SPEN: variants seen among roughly 807,000 people sequenced by gnomAD.
The protein encoded by SPEN is spen family transcriptional repressor, also known as msx2-interacting protein.
SPEN carries 18 observed loss-of-function variants against 269.9 expected under a neutral mutation model. That is an observed-to-expected ratio of 0.07 (90% CI 0.05 to 0.10). The LOEUF (loss-of-function observed/expected upper bound fraction) is 0.10. SPEN is among the 10% of genes least tolerant of loss of function. The pLI is 1.00. For missense variants in SPEN, 3,822 were observed against 4,631.2 expected (o/e 0.83, Z 5.07); for synonymous variants, 1,726 against 1,765.7 (o/e 0.98, Z 0.56).
rs2071334005 is a variant in SPEN at position 15,940,363 on chromosome 1, T to TAACA, written c.*937_*940dup. The TAACA allele has an allele frequency of 4.3e-6, 1 of 232,970 alleles. No homozygotes were observed. Among genetic ancestry groups the TAACA allele is most frequent in the Admixed American group, 5.6e-5 (1 of 17,750 alleles). 14.4% of individuals were successfully genotyped at this position (232,970 alleles called of 1,614,324 possible). Reference sequence around the variant, plus strand: ...ACCTTGATCTCTTCCCCCAACTTCCTAACACTTATTAATTTATGAAACTGT... The same window carrying TAACA: ...ACCTTGATCTCTTCCCCCAACTTCCTAACAAACACTTATTAATTTATGAAACTGT... On this transcript the variant is annotated 3_prime_UTR_variant, in exon 15 of 15. Coordinates refer to ENST00000375759, the MANE Select transcript of SPEN (RefSeq NM_015001.3).
At chr1:15,894,536 G>GTTTTTTTTTTTT (rs766111268) in intron 3 of SPEN, among the ~76,000 whole-genome samples, 14 of 100,402 alleles carry the variant, frequency 1.4e-4, no homozygotes, top group African/African-American at 5.0e-4. Flanking sequence ...TATTATGGTT[G>GTTTTTTTTTTTT]TTTTTTTTTT....
rs150519231 is a variant in SPEN at position 15,928,669 on chromosome 1, G to A, written c.2429G>A (p.Arg810Gln). The A allele has an allele frequency of 1.6e-4, 251 of 1,613,740 alleles. No homozygotes were observed. The highest frequency in any genetic ancestry group is 1.8e-4 in the Non-Finnish European group (213 of 1,180,006). The change falls in exon 11 of 15, where the codon CGG becomes CAG. Residue 810 changes from arginine (R) to glutamine (Q), a missense_variant. Arg to Gln is a conservative substitution (Grantham distance 43). Transcript: ENST00000375759. This position sits in a 1 kb window ranked among gnomAD's most constrained non-coding sequence, Gnocchi z 5.7. ...ERVERERRLI[R>Q]KEKVEKDKTD... is the part of the protein sequence containing the mutation. ...GTGGAGAGAGAGAGACGCTTAATAC[G>A]GAAGGAAAAAGTGGAAAAGGACAAA...
At position 15,932,699 on chromosome 1, in the gene SPEN, G is replaced by C. The variant is rs1199465685; in HGVS notation, c.6459G>C (p.Val2153=). 1 of 1,614,074 alleles carries C rather than the reference G, an allele frequency of 6.2e-7. No homozygotes were observed. The highest frequency in any genetic ancestry group is 8.5e-7 in the Non-Finnish European group (1 of 1,180,030). The change falls in exon 11 of 15, where the codon GTG becomes GTC. Residue 2153 remains valine, a synonymous_variant. Coordinates refer to ENST00000375759, the MANE Select transcript of SPEN (RefSeq NM_015001.3). This position sits in a 1 kb window ranked among gnomAD's most constrained non-coding sequence, Gnocchi z 4.2. ...DPDKEPEKED[V]SASGPSPEAT... is the part of the protein sequence containing the mutation. ...ACAAGGAACCAGAGAAAGAAGACGTGTCTGCCTCTGGGCCGTCCCCAGAAG... is the reference window on the plus strand; with the variant it reads ...ACAAGGAACCAGAGAAAGAAGACGTCTCTGCCTCTGGGCCGTCCCCAGAAG...
intron 1 of SPEN, among the ~76,000 whole-genome samples, chr1:15,865,095 G>A (rs997001004): frequency 2.6e-5 from 4 of 151,524 alleles, no homozygotes; most frequent in Admixed American, 6.6e-5. Flanking sequence ...TCTGTCGCCC[G>A]GGCTGGAGTG....
intron 3 of SPEN, among the ~76,000 whole-genome samples, chr1:15,885,585 AC>A (rs1200488055): frequency 6.6e-6 from 1 of 152,204 alleles, no homozygotes; most frequent in African/African-American, 2.4e-5. Flanking sequence ...TTAAAAAGTT[AC>A]CTACTTGGAA....
At chr1:15,902,346 C>T (rs1266339829) in intron 3 of SPEN, among the ~76,000 whole-genome samples, 1 of 152,152 alleles carries the variant, frequency 6.6e-6, no homozygotes, top group African/African-American at 2.4e-5. Context: ...TTTGGCCTCA[C>T]ACAGATACAC....
rs772061265 is a variant in SPEN, at chr1:15,935,933, G to T, written c.9693G>T (p.Lys3231Asn). ...PASKAPQQPG[K>N]EAAKTPDAKA... The stretch of plus-strand genomic sequence containing the variant: ...GCAAGGCCCCTCAGCAGCCAGGGAA[G>T]GAAGCTGCCAAGACACCAGATGCCA... Residue 3231 changes from lysine to asparagine, a missense_variant, in exon 11 of 15, where the codon AAG (lysine) becomes AAT (asparagine). By Grantham distance (94) the Lys-to-Asn change is moderately conservative. This residue lies in a region of SPEN where 359 missense variants were observed against 377.3 expected (regional missense o/e 0.95). Coordinates refer to ENST00000375759, the MANE Select transcript of SPEN (RefSeq NM_015001.3). The surrounding 1 kb of genome is among the most constrained non-coding windows in gnomAD (Gnocchi z 7.7). The T allele has an allele frequency of 6.2e-7, 1 of 1,611,430 alleles. No individual in the cohort carries two copies. The highest frequency in any genetic ancestry group is 1.7e-5 in the Admixed American group (1 of 59,932).
chr1:15,911,439 T>TTTTAA (rs2071011296), intron 5 of SPEN, 138 bp downstream of exon 5: 1 of 704,170 alleles, frequency 1.4e-6, no homozygotes, highest in South Asian at 1.9e-5. Context: ...TTGTCTTCTG[T>TTTTAA]TTTAAAAGAT....
chr1:15,939,168 C>A lies in SPEN; in HGVS notation c.10864-128C>A. 2 of 1,302,558 alleles carry A rather than the reference C, an allele frequency of 1.5e-6. No homozygotes were observed. The highest frequency in any genetic ancestry group is 2.1e-6 in the Non-Finnish European group (2 of 958,676). 80.7% of individuals were successfully genotyped at this position (1,302,558 alleles called of 1,614,324 possible). The stretch of plus-strand genomic sequence containing the variant: ...GGTCTTCCAGTAGACATAGTCCTGG[C>A]ACATTTGCTGGTTGGGGACTGATTT... On this transcript the variant is annotated intron_variant, in intron 14 of 14. Transcript: ENST00000375759. The surrounding 1 kb of genome is among the most constrained non-coding windows in gnomAD (Gnocchi z 4.1).
rs763385382 is a variant in SPEN, at chr1:15,933,304, A to T, written c.7064A>T (p.His2355Leu). ...AAAGTGGTGGCTCCTGTAGAGAGCC[A>T]TGTCCCTGAATCCAACCAAGCTCAA... ...NKKVVAPVES[H>L]VPESNQAQGE... The change falls in exon 11 of 15, where the codon CAT (histidine) becomes CTT (leucine). Residue 2355 changes from histidine to leucine, a missense_variant. Coordinates refer to ENST00000375759, the MANE Select transcript of SPEN (RefSeq NM_015001.3). The surrounding 1 kb of genome is among the most constrained non-coding windows in gnomAD (Gnocchi z 5.7). 1 of 1,614,148 alleles carries T rather than the reference A, an allele frequency of 6.2e-7. No individual in the cohort carries two copies. Among genetic ancestry groups the T allele is most frequent in the South Asian group, 1.1e-5 (1 of 91,082 alleles).
intron 2 of SPEN, chr1:15,873,867 T>C: frequency 9.2e-7 from 1 of 1,083,360 alleles, no homozygotes; most frequent in Non-Finnish European, 1.1e-6. Context: ...GCTGTCAAGA[T>C]TCCACTAGCC....
At chr1:15,918,853 C>T in intron 6 of SPEN, 73 bp from the exon 7 acceptor site, 3 of 1,257,504 alleles carry the variant, frequency 2.4e-6, no homozygotes, top group Middle Eastern at 2.1e-4. Flanking sequence ...AAATAAATAC[C>T]CTATATGGAC....
chr1:15,928,728 T>C lies in SPEN; in HGVS notation c.2488T>C (p.Ser830Pro), dbSNP rs140930757. The C allele has an allele frequency of 1.5e-4, 236 of 1,613,854 alleles. No homozygotes were observed. Among genetic ancestry groups the C allele is most frequent in the Non-Finnish European group, 1.8e-4 (213 of 1,180,016 alleles). The part of the protein sequence containing the change: ...DKQKRKGKVH[S>P]PSSQSSETDQ... ...GCAGAAACGCAAAGGAAAGGTTCAC[T>C]CCCCTAGTTCTCAGTCTTCAGAAAC... The change falls in exon 11 of 15, where the codon TCC (serine) becomes CCC (proline). Residue 830 changes from serine to proline, a missense_variant. Transcript: ENST00000375759. This position sits in a 1 kb window ranked among gnomAD's most constrained non-coding sequence, Gnocchi z 5.7.
intron 1 of SPEN, among the ~76,000 whole-genome samples, chr1:15,855,611 G>T (rs2070378634): frequency 6.6e-6 from 1 of 152,134 alleles, no homozygotes. Context: ...TGTAATCCCA[G>T]CACTTTGGGA....
Position 15,932,600 on chromosome 1 carries a change from C to A in SPEN, c.6360C>A (p.Ser2120=), listed in dbSNP as rs764138929. ...GGGAATCTGGGGTGGTGGCAGTCTC[C>A]CCTGAGAAAAGTGAGAGTCCCCAAA... ...GERESGVVAV[S]PEKSESPQKE... is the part of the protein sequence containing the mutation. The change falls in exon 11 of 15, where the codon TCC becomes TCA. Residue 2120 remains serine (S), a synonymous_variant. Coordinates refer to ENST00000375759, the MANE Select transcript of SPEN (RefSeq NM_015001.3). The surrounding 1 kb of genome is among the most constrained non-coding windows in gnomAD (Gnocchi z 4.2). 6.2e-7 allele frequency: 1 copy of A among 1,606,532 alleles called. No individual in the cohort carries two copies. The highest frequency in any genetic ancestry group is 1.1e-5 in the South Asian group (1 of 90,248).
At position 15,937,738 on chromosome 1, in the gene SPEN, C is replaced by T; in HGVS notation, c.10510-74C>T. 6.2e-7 allele frequency: 1 copy of T among 1,607,062 alleles called. No homozygotes were observed. Among genetic ancestry groups the T allele is most frequent in the Non-Finnish European group, 8.5e-7 (1 of 1,176,338 alleles). On this transcript the variant is annotated intron_variant, in intron 12 of 14. Coordinates refer to ENST00000375759, the MANE Select transcript of SPEN (RefSeq NM_015001.3). This position sits in a 1 kb window ranked among gnomAD's most constrained non-coding sequence, Gnocchi z 5.7. The stretch of plus-strand genomic sequence containing the variant: ...CCCTAGTTAACAGACCCACAAGCTA[C>T]AGCCTCTGGCTGTGTCCAGCATGGC...
chr1:15,884,119 G>A (rs906249986), intron 3 of SPEN, among the ~76,000 whole-genome samples: 3 of 151,776 alleles, frequency 2.0e-5, no homozygotes, highest in African/African-American at 7.3e-5. Context: ...TTGTTTTATG[G>A]GTTAACAGTA....
chr1:15,919,552 C>G, intron 8 of SPEN, 35 bp downstream of exon 8: 1 of 1,333,882 alleles, frequency 7.5e-7, no homozygotes, highest in Non-Finnish European at 1.0e-6. Flanking sequence ...GTTCAGACTT[C>G]TGACTCACTC....
In SPEN at chr1:15,937,012, C is replaced by A; in HGVS notation, c.10027-151C>A. 1 of 1,206,430 alleles carries A rather than the reference C, an allele frequency of 8.3e-7. No homozygotes were observed. The highest frequency in any genetic ancestry group is 1.2e-6 in the Non-Finnish European group (1 of 864,310). 74.7% of individuals were successfully genotyped at this position (1,206,430 alleles called of 1,614,324 possible). On this transcript the variant is annotated intron_variant, in intron 11 of 14. Coordinates refer to ENST00000375759, the MANE Select transcript of SPEN (RefSeq NM_015001.3). This position sits in a 1 kb window ranked among gnomAD's most constrained non-coding sequence, Gnocchi z 5.7. Reference sequence around the variant, plus strand: ...TCCTTACCTGGAACCCCGAAAGCAGCTCCGTTGATTCAGGCTCCTTCTGTG... The same window carrying A: ...TCCTTACCTGGAACCCCGAAAGCAGATCCGTTGATTCAGGCTCCTTCTGTG...
Sources: gnomAD v4.1 joint callset for allele counts (sites outside exome capture counted in the v4.1 genomes callset) on GRCh38, gnomAD v4.1.1 for gene constraint, gnomAD v4.1.1 regional missense constraint, Gnocchi (gnomAD v3.1) non-coding constraint, MANE v1.5 for transcripts, NCBI Gene and HGNC (gene_info 2026-07-23, HGNC 2026-07-21) for gene names.